OPCML: variants seen among roughly 807,000 people sequenced by gnomAD.
OPCML encodes the protein opioid binding protein/cell adhesion molecule like.
In OPCML, 13 loss-of-function variants were observed where a neutral mutation model predicts 37.8. That is an observed-to-expected ratio of 0.34 (90% CI 0.22 to 0.55). OPCML has a LOEUF of 0.55. Ranked by LOEUF, OPCML falls within the 20% of genes least tolerant of loss-of-function variation. The pLI, the probability that OPCML is intolerant of heterozygous loss-of-function variation, is 0.91. For missense variants in OPCML, 341 were observed against 435.6 expected, an observed-to-expected ratio of 0.78 and a Z score of 1.93; for synonymous variants, 176 against 168.8, an observed-to-expected ratio of 1.04 and a Z score of -0.33.
chr11:133,314,860 C>G (rs1315216041), intron 1 of OPCML, among the ~76,000 whole-genome samples: 1 of 152,186 alleles, frequency 6.6e-6, no homozygotes, highest in Admixed American at 6.5e-5. Context: ...TAGCTTCTAT[C>G]CCCCAAATAA....
At chr11:133,420,098 T>G (rs1945854689) in intron 1 of OPCML, 1 of 258,568 alleles carries the variant, frequency 3.9e-6, no homozygotes, top group Non-Finnish European at 6.0e-6. Context: ...TGTGGATTCC[T>G]TATTTGAAAA....
intron 1 of OPCML, among the ~76,000 whole-genome samples, chr11:133,323,040 C>T (rs926894471): frequency 2.6e-5 from 4 of 152,130 alleles, no homozygotes; most frequent in South Asian, 4.1e-4. Flanking sequence ...GTACAGGACA[C>T]GAGTCAGACT....
At chr11:133,482,627 C>T (rs1243280574) in intron 1 of OPCML, among the ~76,000 whole-genome samples, 2 of 151,968 alleles carry the variant, frequency 1.3e-5, no homozygotes, top group Admixed American at 6.6e-5. Context: ...TGTTCTGTCA[C>T]CACTGAAATC....
chr11:132,612,941 G>A (rs2575890), intron 3 of OPCML, among the ~76,000 whole-genome samples: 22,102 of 152,112 alleles, frequency 0.15, 2,699 homozygotes, highest in East Asian at 0.66. Flanking sequence ...ATTCATTCTA[G>A]ACAGCCAATC....
intron 2 of OPCML, among the ~76,000 whole-genome samples, chr11:132,876,241 C>A (rs960982430): frequency 6.6e-6 from 1 of 152,134 alleles, no homozygotes; most frequent in Non-Finnish European, 1.5e-5. Context: ...CCAGGAGGTC[C>A]TCAAGAGAAG....
chr11:133,029,417 C>G (rs564831679), intron 1 of OPCML, among the ~76,000 whole-genome samples: 1 of 152,306 alleles, frequency 6.6e-6, no homozygotes, highest in African/African-American at 2.4e-5. Context: ...GATACACACA[C>G]TTGTATGTTC....
At chr11:132,609,206 G>A (rs1318542458) in intron 3 of OPCML, among the ~76,000 whole-genome samples, 1 of 152,156 alleles carries the variant, frequency 6.6e-6, no homozygotes, top group African/African-American at 2.4e-5. Context: ...GAACTGACAT[G>A]TAGGTCTGCC....
intron 1 of OPCML, among the ~76,000 whole-genome samples, chr11:133,337,720 A>T (rs1485450369): frequency 1.3e-5 from 2 of 152,184 alleles, no homozygotes; most frequent in African/African-American, 4.8e-5. Context: ...AATAGAACTC[A>T]AAGTAAGAAT....
At chr11:132,706,431 A>G (rs1201996494) in intron 2 of OPCML, among the ~76,000 whole-genome samples, 1 of 152,158 alleles carries the variant, frequency 6.6e-6, no homozygotes, top group African/African-American at 2.4e-5. Context: ...GATTCCCCCT[A>G]CCAGGCACAA....
Position 133,093,373 on chromosome 11 carries a change from G to C in OPCML, c.62-150363C>G, listed in dbSNP as rs185475649. 3.6e-4 allele frequency among the ~76,000 whole-genome samples: 54 copies of C among 152,038 alleles called. 1 individual carries two copies. Among genetic ancestry groups the C allele is most frequent in the African/African-American group, 1.3e-3 (52 of 41,464 alleles). ...TTTGCTACATAGGTATACATGTGCC[G>C]TGGTGGTTTGCTGCACCTATCAATC... On this transcript the variant is annotated intron_variant, in intron 1 of 7. Transcript: ENST00000524381.
intron 2 of OPCML, among the ~76,000 whole-genome samples, chr11:132,715,532 C>T (rs1944438972): frequency 2.0e-5 from 3 of 152,130 alleles, no homozygotes; most frequent in African/African-American, 7.2e-5. Flanking sequence ...ATCCTAGCCC[C>T]TAGTGTAATG....
chr11:133,010,741 G>C (rs1947197669), intron 1 of OPCML, among the ~76,000 whole-genome samples: 1 of 152,190 alleles, frequency 6.6e-6, no homozygotes, highest in Non-Finnish European at 1.5e-5. Flanking sequence ...AAGATTAAAA[G>C]CAGGATGCAA....
chr11:133,503,368 C>G (rs1327638407), intron 1 of OPCML, among the ~76,000 whole-genome samples: 1 of 152,160 alleles, frequency 6.6e-6, no homozygotes, highest in Non-Finnish European at 1.5e-5. Flanking sequence ...GGAGTTTAAA[C>G]TCAGCTGGTC....
At chr11:133,386,476 G>A (rs1421514942) in intron 1 of OPCML, among the ~76,000 whole-genome samples, 2 of 152,098 alleles carry the variant, frequency 1.3e-5, no homozygotes, top group African/African-American at 4.8e-5. Context: ...CCCAACAACG[G>A]CACTTCCTTT....
At chr11:133,218,727 C>T (rs1224936151) in intron 1 of OPCML, among the ~76,000 whole-genome samples, 1 of 152,088 alleles carries the variant, frequency 6.6e-6, no homozygotes, top group African/African-American at 2.4e-5. Flanking sequence ...TTAGGATTAT[C>T]CCATTTTACT....
intron 1 of OPCML, among the ~76,000 whole-genome samples, chr11:133,057,810 G>A (rs1948268049): frequency 6.6e-6 from 1 of 152,034 alleles, no homozygotes; most frequent in African/African-American, 2.4e-5. Flanking sequence ...GTACTCTCAG[G>A]GGCACAATGA....
At chr11:132,536,850 A>C (rs2096342075) in intron 3 of OPCML, among the ~76,000 whole-genome samples, 1 of 152,216 alleles carries the variant, frequency 6.6e-6, no homozygotes, top group Non-Finnish European at 1.5e-5. Flanking sequence ...CAGATTCTGA[A>C]TATTTTCCTT....
chr11:133,201,104 G>T (rs1366771117), intron 1 of OPCML, among the ~76,000 whole-genome samples: 1 of 152,100 alleles, frequency 6.6e-6, no homozygotes, highest in African/African-American at 2.4e-5. Context: ...ACAAAGAAAA[G>T]AATAATAGAT....
intron 1 of OPCML, among the ~76,000 whole-genome samples, chr11:133,366,913 C>A (rs7929958): frequency 1.3e-5 from 2 of 152,028 alleles, no homozygotes; most frequent in African/African-American, 4.8e-5. Context: ...GGACACCCAG[C>A]GGGACAACCC....
Sources: allele counts gnomAD v4.1 joint callset (sites outside exome capture counted in the v4.1 genomes callset), GRCh38; gene constraint gnomAD v4.1.1; transcripts MANE v1.5; gene names NCBI Gene and HGNC (gene_info 2026-07-23, HGNC 2026-07-21).